Variants in LIMCH1 observed in about 807,000 individuals in gnomAD.
The protein encoded by LIMCH1 is LIM and calponin homology domains-containing protein 1.
LIMCH1 carries 113 observed loss-of-function variants against 176.5 expected under a neutral mutation model. The observed-to-expected ratio is 0.64, with a 90% confidence interval of 0.55 to 0.75. The LOEUF is 0.75. Ranked by LOEUF, LIMCH1 falls within the 30% of genes least tolerant of loss-of-function variation. The pLI is 0.00. For synonymous variants in LIMCH1, 619 were observed against 645.9 expected (o/e 0.96, Z 0.63); for missense variants, 1,674 against 1,814.9 (o/e 0.92, Z 1.41).
chr4:41,361,030 CAA>C, intron 1 of LIMCH1: 1 of 772,138 alleles, frequency 1.3e-6, no homozygotes, highest in Non-Finnish European at 1.9e-6. Context: ...TGCCTCCCCC[CAA>C]CCGCCCCCAC....
At chr4:41,695,709 A>G (rs1347054151) in intron 31 of LIMCH1, among the ~76,000 whole-genome samples, 2 of 152,100 alleles carry the variant, frequency 1.3e-5, no homozygotes, top group Non-Finnish European at 2.9e-5. Flanking sequence ...TAACATTAAT[A>G]TCTTTAGGCT....
chr4:41,566,352 A>G (rs921007968), intron 1 of LIMCH1, among the ~76,000 whole-genome samples: 3 of 152,216 alleles, frequency 2.0e-5, no homozygotes, highest in Non-Finnish European at 4.4e-5. Flanking sequence ...TATGGCAGCT[A>G]TAGCCTTACA....
intron 31 of LIMCH1, chr4:41,692,806 G>A (rs1193998481): frequency 1.2e-5 from 2 of 163,490 alleles, no homozygotes; most frequent in Non-Finnish European, 2.7e-5. Context: ...ATGTCTCCAC[G>A]CCCTACATTC....
At chr4:41,673,886 A>G (rs1270218690) in intron 22 of LIMCH1, among the ~76,000 whole-genome samples, 2 of 152,180 alleles carry the variant, frequency 1.3e-5, no homozygotes, top group African/African-American at 2.4e-5. Context: ...TACATCTCTT[A>G]TGATAGTTAT....
At chr4:41,406,890 C>G (rs890609273) in intron 1 of LIMCH1, among the ~76,000 whole-genome samples, 1 of 152,108 alleles carries the variant, frequency 6.6e-6, no homozygotes, top group African/African-American at 2.4e-5. Context: ...CCAGAATTAC[C>G]ATGCTTGAGG....
intron 1 of LIMCH1, among the ~76,000 whole-genome samples, chr4:41,557,426 A>G (rs1467654223): frequency 6.6e-6 from 1 of 152,150 alleles, no homozygotes; most frequent in Non-Finnish European, 1.5e-5. Flanking sequence ...GAATCGATGG[A>G]AGAGATGATT....
intron 1 of LIMCH1, among the ~76,000 whole-genome samples, chr4:41,363,235 A>G (rs1202618640): frequency 1.3e-5 from 2 of 152,170 alleles, no homozygotes; most frequent in South Asian, 4.1e-4. Context: ...AAGATTCCTC[A>G]GCTAATACAG....
At chr4:41,409,581 G>C (rs1330016222) in intron 1 of LIMCH1, among the ~76,000 whole-genome samples, 1 of 152,182 alleles carries the variant, frequency 6.6e-6, no homozygotes, top group Non-Finnish European at 1.5e-5. Flanking sequence ...ATACCTAAAT[G>C]CATCTATGTT....
In LIMCH1 at chr4:41,698,759, T is replaced by A. The variant is rs1456014066; in HGVS notation, c.*1574T>A. On this transcript the variant is annotated 3_prime_UTR_variant, in exon 32 of 32. Transcript: ENST00000503057. ...TGTGGGTTCCATATAGGTGCAGAAA[T>A]TTCCTCAGCCACTGGAGGGATTTCG... The A allele has an allele frequency of 6.6e-6, 1 of 152,630 alleles. No homozygotes were observed. The highest frequency in any genetic ancestry group is 1.9e-4 in the East Asian group (1 of 5,192). 9.5% of individuals were successfully genotyped at this position (152,630 alleles called of 1,614,324 possible).
chr4:41,649,624 T>G (rs1216486555), intron 17 of LIMCH1, among the ~76,000 whole-genome samples: 1 of 151,992 alleles, frequency 6.6e-6, no homozygotes, highest in Admixed American at 6.6e-5. Context: ...TAGAGCCAGG[T>G]TTCAATCAGG....
At chr4:41,447,598 C>A (rs532796265) in intron 1 of LIMCH1, among the ~76,000 whole-genome samples, 113 of 152,290 alleles carry the variant, frequency 7.4e-4, no homozygotes, top group South Asian at 2.1e-3. Context: ...ATCGTCACAT[C>A]TTTTATTAAA....
At chr4:41,446,389 C>T (rs2063294014) in intron 1 of LIMCH1, among the ~76,000 whole-genome samples, 1 of 152,152 alleles carries the variant, frequency 6.6e-6, no homozygotes, top group African/African-American at 2.4e-5. Context: ...AGATTTCTAA[C>T]CATTAGGGAA....
rs747471770 is a variant in LIMCH1, at chr4:41,692,368, C to T, written c.4362C>T (p.Cys1454=). The T allele has an allele frequency of 7.5e-6, 12 of 1,608,886 alleles. No homozygotes were observed. The highest frequency in any genetic ancestry group is 2.2e-5 in the South Asian group (2 of 91,006). The change falls in exon 31 of 32, where the codon TGC becomes TGT. Residue 1454 remains cysteine (C), a synonymous_variant. Coordinates refer to ENST00000503057, the MANE Select transcript of LIMCH1 (RefSeq NM_001330672.2). The part of the protein sequence containing the change: ...IRNGLLNCND[C]YMRSRSAGQP... ...ATGGTCTCCTGAACTGTAATGATTG[C>T]TACATGCGATCCAGAAGTAAGTACT...
At position 41,605,905 on chromosome 4, in the gene LIMCH1, C is replaced by T; in HGVS notation, c.-91C>T. 1 of 1,611,500 alleles carries T rather than the reference C, an allele frequency of 6.2e-7. No individual in the cohort carries two copies. Among genetic ancestry groups the T allele is most frequent in the Non-Finnish European group, 8.5e-7 (1 of 1,177,870 alleles). ...GTTTTGTTCCACAGGTATTAGTTAC[C>T]ATTTACTGGCTGGGAAAAGCAGCAA... On this transcript the variant is annotated 5_prime_UTR_variant, in exon 4 of 32. Transcript: ENST00000503057.
At chr4:41,409,853 A>G (rs1178406907) in intron 1 of LIMCH1, among the ~76,000 whole-genome samples, 2 of 152,236 alleles carry the variant, frequency 1.3e-5, no homozygotes, top group Non-Finnish European at 2.9e-5. Context: ...TCTTGTCACA[A>G]GTTGATTGAA....
At chr4:41,474,867 T>G (rs1448643078) in intron 1 of LIMCH1, among the ~76,000 whole-genome samples, 1 of 152,332 alleles carries the variant, frequency 6.6e-6, no homozygotes, top group African/African-American at 2.4e-5. Flanking sequence ...AAGAGATGTC[T>G]GTGTTCCCGT....
At chr4:41,439,357 G>T (rs2062452803) in intron 1 of LIMCH1, among the ~76,000 whole-genome samples, 1 of 152,178 alleles carries the variant, frequency 6.6e-6, no homozygotes, top group South Asian at 2.1e-4. Flanking sequence ...AGGCCAAGGT[G>T]CATGGATCGC....
intron 23 of LIMCH1, among the ~76,000 whole-genome samples, chr4:41,676,982 A>T (rs1408833472): frequency 4.0e-5 from 6 of 151,344 alleles, no homozygotes; most frequent in African/African-American, 1.5e-4. Flanking sequence ...GGCCAACATG[A>T]CGAAACCCCG....
At chr4:41,631,042 A>G (rs2093293192) in intron 9 of LIMCH1, 106 bp from the exon 10 acceptor site, 1 of 964,776 alleles carries the variant, frequency 1.0e-6, no homozygotes, top group African/African-American at 1.7e-5. Context: ...GAACTCACTG[A>G]TAGGGAGGGC....
Sources: allele counts gnomAD v4.1 joint callset (sites outside exome capture counted in the v4.1 genomes callset), GRCh38; gene constraint gnomAD v4.1.1; transcripts MANE v1.5; gene names NCBI Gene and HGNC (gene_info 2026-07-23, HGNC 2026-07-21).